Variants in ATP8B4 observed in about 807,000 individuals in gnomAD.
ATP8B4 encodes probable phospholipid-transporting ATPase IM.
Under a neutral mutation model 145.6 loss-of-function variants are expected in ATP8B4, and 133 were observed. The ratio of observed to expected loss-of-function variants is 0.91; its 90% CI spans 0.79 to 1.05. The LOEUF (loss-of-function observed/expected upper bound fraction) is 1.05. Among genes scored for constraint, ATP8B4 ranks in the 50% least tolerant of loss-of-function variants. ATP8B4 has a pLI of 0.00. For synonymous variants in ATP8B4, 507 were observed against 492.9 expected, an observed-to-expected ratio of 1.03 and a Z score of -0.38; for missense variants, 1,458 against 1,425.2, an observed-to-expected ratio of 1.02 and a Z score of -0.37.
chr15:49,996,556 C>T, intron 9 of ATP8B4, 121 bp downstream of exon 9: 1 of 767,688 alleles, frequency 1.3e-6, no homozygotes, highest in Non-Finnish European at 2.0e-6. Context: ...GGCTTTGATG[C>T]CTGGAGAATT....
At chr15:49,981,569 T>A (rs891561549) in intron 10 of ATP8B4, among the ~76,000 whole-genome samples, 1 of 152,154 alleles carries the variant, frequency 6.6e-6, no homozygotes, top group African/African-American at 2.4e-5. Flanking sequence ...TTTCAATGTC[T>A]ATACATGAAT....
intron 1 of ATP8B4, among the ~76,000 whole-genome samples, chr15:50,160,478 T>G (rs1010964760): frequency 2.0e-5 from 3 of 152,014 alleles, no homozygotes; most frequent in African/African-American, 4.8e-5. Context: ...GTTAAGTTGT[T>G]TATCTGACGT....
intron 9 of ATP8B4, among the ~76,000 whole-genome samples, chr15:49,988,100 G>A (rs912940216): frequency 6.6e-6 from 1 of 152,148 alleles, no homozygotes; most frequent in African/African-American, 2.4e-5. Flanking sequence ...CCTTTCAGCT[G>A]TTCTATGCTT....
intron 1 of ATP8B4, among the ~76,000 whole-genome samples, chr15:50,117,404 G>A (rs1369129895): frequency 6.6e-6 from 1 of 152,070 alleles, no homozygotes; most frequent in Non-Finnish European, 1.5e-5. Flanking sequence ...TTTACTTTTA[G>A]ATGGTTAGTT....
At chr15:50,044,234 C>T (rs1457931397) in intron 5 of ATP8B4, among the ~76,000 whole-genome samples, 1 of 152,116 alleles carries the variant, frequency 6.6e-6, no homozygotes, top group Non-Finnish European at 1.5e-5. Flanking sequence ...AGCTCTCAAA[C>T]CTTAAACAAA....
At chr15:50,027,170 T>G (rs1234982691) in intron 6 of ATP8B4, among the ~76,000 whole-genome samples, 1 of 152,178 alleles carries the variant, frequency 6.6e-6, no homozygotes. Flanking sequence ...ACCCCATATG[T>G]GTGCACCCAA....
intron 2 of ATP8B4, among the ~76,000 whole-genome samples, chr15:50,091,391 T>G (rs1264942571): frequency 6.6e-6 from 1 of 152,192 alleles, no homozygotes; most frequent in African/African-American, 2.4e-5. Context: ...TAAAGTATAA[T>G]TCTATGGATG....
At position 49,979,012 on chromosome 15, in the gene ATP8B4, T is replaced by C. The variant is rs149772524; in HGVS notation, c.1034+605A>G. Among the ~76,000 whole-genome samples the C allele has an allele frequency of 4.8e-3, 727 of 152,250 alleles. 8 individuals carry two copies. Among genetic ancestry groups the C allele is most frequent in the African/African-American group, 0.017 (696 of 41,548 alleles). Reference sequence around the variant, plus strand: ...CTATATTTTAACTCCTTTATGTACATACTTATAGTTACTAATAATAGGAAA... The same window carrying C: ...CTATATTTTAACTCCTTTATGTACACACTTATAGTTACTAATAATAGGAAA... On this transcript the variant is annotated intron_variant, in intron 12 of 27. Transcript: ENST00000284509.
intron 1 of ATP8B4, among the ~76,000 whole-genome samples, chr15:50,156,366 T>C (rs1040912075): frequency 1.3e-5 from 2 of 151,906 alleles, no homozygotes; most frequent in African/African-American, 2.4e-5. Flanking sequence ...TTCAATTAAA[T>C]GTTTCATCAC....
At chr15:49,967,076 A>G (rs2044621126) in intron 13 of ATP8B4, among the ~76,000 whole-genome samples, 1 of 152,210 alleles carries the variant, frequency 6.6e-6, no homozygotes, top group African/African-American at 2.4e-5. Flanking sequence ...TAGCATCAAC[A>G]TCAACAAAAA....
intron 25 of ATP8B4, among the ~76,000 whole-genome samples, chr15:49,869,962 T>C (rs2033422850): frequency 6.6e-6 from 1 of 152,208 alleles, no homozygotes; most frequent in African/African-American, 2.4e-5. Flanking sequence ...AATACCATTC[T>C]TTATCCAGCA....
chr15:49,909,046 C>T (rs1056583693), intron 20 of ATP8B4, among the ~76,000 whole-genome samples: 1 of 152,148 alleles, frequency 6.6e-6, no homozygotes, highest in Non-Finnish European at 1.5e-5. Context: ...TAACCCTGTC[C>T]CTGCCACCAC....
chr15:49,900,319 C>A (rs769847035), intron 21 of ATP8B4, among the ~76,000 whole-genome samples: 29 of 152,202 alleles, frequency 1.9e-4, no homozygotes, highest in Non-Finnish European at 3.8e-4. Flanking sequence ...TACCCAACTT[C>A]TTTTGTCCTC....
intron 9 of ATP8B4, among the ~76,000 whole-genome samples, chr15:49,991,207 G>A (rs1054803159): frequency 1.3e-5 from 2 of 152,114 alleles, no homozygotes; most frequent in African/African-American, 2.4e-5. Flanking sequence ...ACCAAAAAGA[G>A]ATGCTTATTT....
intron 16 of ATP8B4, among the ~76,000 whole-genome samples, chr15:49,929,047 A>T (rs1178916711): frequency 6.6e-6 from 1 of 152,142 alleles, no homozygotes; most frequent in African/African-American, 2.4e-5. Context: ...CTAGAGGCTG[A>T]GGCCCAGCAA....
chr15:50,116,719 G>GC (rs1567391209), intron 1 of ATP8B4, among the ~76,000 whole-genome samples: 1 of 151,986 alleles, frequency 6.6e-6, no homozygotes, highest in Non-Finnish European at 1.5e-5. Flanking sequence ...AAATGCTGTG[G>GC]CCCTCCCTCT....
Position 50,181,823 on chromosome 15 carries a change from C to T in ATP8B4, c.-43+438G>A, listed in dbSNP as rs1006584893. On this transcript the variant is annotated intron_variant, in intron 1 of 3. Coordinates refer to the ATP8B4 transcript ENST00000558829. ...CTGGTTTGGCAGTGGCACCTGGTAC[C>T]CGCTATTAATAAATAATAGGACTGT... 3.3e-5 allele frequency among the ~76,000 whole-genome samples: 5 copies of T among 152,278 alleles called. No homozygotes were observed. In the South Asian group the frequency reaches 8.3e-4, roughly 25 times the overall value.
chr15:50,019,057 C>T, intron 6 of ATP8B4: 2 of 715,370 alleles, frequency 2.8e-6, no homozygotes, highest in South Asian at 1.5e-5. Flanking sequence ...AAACAAAAAC[C>T]AGGAAATTTT....
At chr15:49,896,035 G>GA (rs1383387458) in intron 23 of ATP8B4, 1 of 152,134 alleles carries the variant, frequency 6.6e-6, no homozygotes, top group Non-Finnish European at 1.5e-5. Flanking sequence ...AACAGACTAG[G>GA]AAGCCACAGG....
Sources: gnomAD v4.1 joint callset for allele counts (sites outside exome capture counted in the v4.1 genomes callset) on GRCh38, gnomAD v4.1.1 for gene constraint, MANE v1.5 for transcripts, NCBI Gene and HGNC (gene_info 2026-07-23, HGNC 2026-07-21) for gene names.